The following SEPTIN8 variants were observed in gnomAD, a reference collection of about 807,000 sequenced individuals.
SEPTIN8 encodes the protein septin 8.
In SEPTIN8, 22 loss-of-function variants were observed where a neutral mutation model predicts 53.1. The observed-to-expected ratio is 0.41, with a 90% CI of 0.30 to 0.59. The LOEUF is 0.59. Among genes scored for constraint, SEPTIN8 ranks in the 20% least tolerant of loss-of-function variants. The pLI is 0.24. For synonymous variants in SEPTIN8, 228 were observed against 248.4 expected (o/e 0.92, Z 0.77); for missense variants, 536 against 638.7 (o/e 0.84, Z 1.73).
intron 9 of SEPTIN8, chr5:132,758,073 A>G: frequency 1.0e-6 from 1 of 999,524 alleles, no homozygotes; most frequent in Non-Finnish European, 1.2e-6. Flanking sequence ...TTCCATTTAC[A>G]TTCACAGTAA....
chr5:132,758,886 A>AAG, intron 9 of SEPTIN8: 26 of 1,494,568 alleles, frequency 1.7e-5, no homozygotes, highest in Non-Finnish European at 2.4e-5. Flanking sequence ...ATGCAGACCA[A>AAG]ATCAAACAGA....
At chr5:132,764,543 G>T in intron 2 of SEPTIN8, 124 bp from the exon 3 acceptor site, 1 of 710,914 alleles carries the variant, frequency 1.4e-6, no homozygotes, top group Non-Finnish European at 2.3e-6. Context: ...GAAAGGGGCA[G>T]GCCGCCCACC....
rs991017947 is a variant in SEPTIN8, at chr5:132,750,967, T to C, written c.*1049A>G. 3 of 1,614,090 alleles carry C rather than the reference T, an allele frequency of 1.9e-6. No individual in the cohort carries two copies. The highest frequency in any genetic ancestry group is 2.5e-6 in the Non-Finnish European group (3 of 1,180,042). ...TGGACAGACTGCACTGGGACCTCTATATTGGGACGCCGCTGGACTTCTTGA... is the reference window on the plus strand; with the variant it reads ...TGGACAGACTGCACTGGGACCTCTACATTGGGACGCCGCTGGACTTCTTGA... On this transcript the variant is annotated 3_prime_UTR_variant, in exon 10 of 10. Coordinates refer to ENST00000378719, the MANE Select transcript of SEPTIN8 (RefSeq NM_001098811.2).
At chr5:132,752,202 C>A (rs1255550394) in intron 9 of SEPTIN8, 21 bp from the exon 10 acceptor site, 2 of 1,561,432 alleles carry the variant, frequency 1.3e-6, no homozygotes, top group Non-Finnish European at 1.7e-6. Context: ...CACAGGTAGA[C>A]ATCAACTTTG....
In SEPTIN8 at chr5:132,752,114, C is replaced by G; in HGVS notation, c.1354G>C (p.Ala452Pro). ...CTGCAGTTCAAGGGCTCCACACTGG[C>G]CTTGGTCATCATCACCTTAGAGCTG... is the stretch of plus-strand genomic sequence containing the variant. ...LSSSKVMMTK[A>P]SVEPLNCSSW... Residue 452 changes from alanine to proline, a missense_variant, in exon 10 of 10, where the codon GCC becomes CCC. Physicochemically the swap from Ala to Pro is conservative, Grantham distance 27 (BLOSUM62 -1). Transcript: ENST00000378719. 1 of 1,598,672 alleles carries G rather than the reference C, an allele frequency of 6.3e-7. No homozygotes were observed. The highest frequency in any genetic ancestry group is 8.5e-7 in the Non-Finnish European group (1 of 1,172,224).
At chr5:132,766,172 G>A (rs1033956238) in intron 1 of SEPTIN8, among the ~76,000 whole-genome samples, 7 of 152,168 alleles carry the variant, frequency 4.6e-5, no homozygotes, top group African/African-American at 9.7e-5. Flanking sequence ...CAACCCCCCC[G>A]TGGGGCTCAG....
upstream of SEPTIN8, among the ~76,000 whole-genome samples, chr5:132,779,430 G>A (rs550562278): frequency 6.6e-6 from 1 of 152,282 alleles, no homozygotes; most frequent in Admixed American, 6.5e-5. Context: ...CAGCTAATAT[G>A]CATTTTCTGT....
intron 1 of SEPTIN8, among the ~76,000 whole-genome samples, chr5:132,768,424 ACT>A (rs2149990282): frequency 6.6e-6 from 1 of 152,184 alleles, no homozygotes; most frequent in East Asian, 1.9e-4. Context: ...CCGAGGGGTA[ACT>A]CTCACTAATG....
chr5:132,763,998 T>C, intron 3 of SEPTIN8, 106 bp from the exon 4 acceptor site: 2 of 1,230,556 alleles, frequency 1.6e-6, no homozygotes. Context: ...TGGCCTTTTC[T>C]TTCTGGGAAC....
intron 3 of SEPTIN8, 30 bp from the exon 4 acceptor site, chr5:132,763,922 G>T (rs1756279337): frequency 6.5e-7 from 1 of 1,530,114 alleles, no homozygotes. Flanking sequence ...CCAGGAGGCT[G>T]CCAGCTGAGA....
chr5:132,777,590 A>G (rs1757924549), upstream of SEPTIN8: 1 of 978,868 alleles, frequency 1.0e-6, no homozygotes, highest in South Asian at 4.7e-5. The surrounding 1 kb of genome is among the most constrained non-coding windows in gnomAD (Gnocchi z 4.1). Flanking sequence ...GTAAGGGGGA[A>G]GTGGGGCACG....
intron 1 of SEPTIN8, among the ~76,000 whole-genome samples, chr5:132,772,699 C>G (rs980904981): frequency 6.6e-6 from 1 of 152,178 alleles, no homozygotes; most frequent in Non-Finnish European, 1.5e-5. Context: ...GGCACCAATA[C>G]GGGTTGGCAG....
chr5:132,769,043 T>C (rs1013282052), intron 1 of SEPTIN8, among the ~76,000 whole-genome samples: 1 of 152,088 alleles, frequency 6.6e-6, no homozygotes, highest in Non-Finnish European at 1.5e-5. Flanking sequence ...GTAAAACATC[T>C]CAGTATTCAC....
At position 132,777,121 on chromosome 5, in the gene SEPTIN8, A is replaced by G; in HGVS notation, c.17T>C (p.Leu6Pro). ...CGGGGCCCTCACCGAGAAGCGCTCC[A>G]GGTCGGTGGCCGCCATGGCGAGCTC... MAATD[L>P]ERFSNAEPEP... Residue 6 changes from leucine to proline, a missense_variant, in exon 1 of 10, where the codon CTG becomes CCG. Coordinates refer to ENST00000378719, the MANE Select transcript of SEPTIN8 (RefSeq NM_001098811.2). The surrounding 1 kb of genome is among the most constrained non-coding windows in gnomAD (Gnocchi z 4.1). 1.9e-6 allele frequency: 2 copies of G among 1,076,538 alleles called. No individual in the cohort carries two copies. The highest frequency in any genetic ancestry group is 2.3e-6 in the Non-Finnish European group (2 of 887,604). 66.7% of individuals were successfully genotyped at this position (1,076,538 alleles called of 1,614,324 possible).
intron 9 of SEPTIN8, among the ~76,000 whole-genome samples, chr5:132,754,993 C>A (rs1002179588): frequency 1.3e-5 from 2 of 152,146 alleles, no homozygotes; most frequent in African/African-American, 4.8e-5. Context: ...AACAGTACTT[C>A]CCTGAAATGA....
Position 132,767,948 on chromosome 5 carries a change from C to CACAT in SEPTIN8, c.31-2420_31-2419insATGT, listed in dbSNP as rs1756775117. Among the ~76,000 whole-genome samples the CACAT allele has an allele frequency of 5.9e-5, 8 of 136,200 alleles. No individual in the cohort carries two copies. In the South Asian group the frequency reaches 1.8e-3, roughly 30 times the overall value. 89.4% of individuals were successfully genotyped at this position (136,200 alleles called of 152,430 possible). A position where few individuals can be genotyped will look rare whatever the true frequency, so the allele number is the denominator to read the frequency against. On this transcript the variant is annotated intron_variant, in intron 1 of 9. Transcript: ENST00000378719. ...AAGTCAGCTGTGTCTGGAAACCACA[C>CACAT]ACACACACACACACACACACACACA...
chr5:132,765,350 C>T, intron 2 of SEPTIN8, 59 bp downstream of exon 2: 2 of 1,596,366 alleles, frequency 1.3e-6, no homozygotes, highest in Non-Finnish European at 1.7e-6. Flanking sequence ...GCCAGAAGCA[C>T]CCCCTCTCCC....
chr5:132,753,045 GC>G, intron 9 of SEPTIN8: 1 of 1,202,952 alleles, frequency 8.3e-7, no homozygotes, highest in Non-Finnish European at 1.2e-6. Context: ...GAGTTCTTTG[GC>G]TTGTTATGAA....
In SEPTIN8 at chr5:132,773,683, G is replaced by C. The variant is rs1355257632; in HGVS notation, c.30+3425C>G. On this transcript the variant is annotated intron_variant, in intron 1 of 9. Transcript: ENST00000378719. The surrounding 1 kb of genome is among the most constrained non-coding windows in gnomAD (Gnocchi z 4.2). Reference sequence around the variant, plus strand: ...AGGTTTTTGACACAAGTCAGACCCTGGGTTCCCAGGCTCCATCCAGTCTCC... The same window carrying C: ...AGGTTTTTGACACAAGTCAGACCCTCGGTTCCCAGGCTCCATCCAGTCTCC... Among the ~76,000 whole-genome samples, 2 of 152,192 alleles carry C rather than the reference G, an allele frequency of 1.3e-5. No individual in the cohort carries two copies. The highest frequency in any genetic ancestry group is 2.9e-5 in the Non-Finnish European group (2 of 68,028).
Sources: gnomAD v4.1 joint callset for allele counts (sites outside exome capture counted in the v4.1 genomes callset) on GRCh38, gnomAD v4.1.1 for gene constraint, Gnocchi (gnomAD v3.1) non-coding constraint, MANE v1.5 for transcripts, NCBI Gene and HGNC (gene_info 2026-07-23, HGNC 2026-07-21) for gene names.